SNX10: variants seen among roughly 807,000 people sequenced by gnomAD.
SNX10 encodes sorting nexin 10.
In SNX10, 25 loss-of-function variants were observed where a neutral mutation model predicts 28.5. That is an observed-to-expected ratio of 0.88 (90% CI 0.64 to 1.22). The LOEUF (loss-of-function observed/expected upper bound fraction) is 1.22, where lower values mean the gene tolerates loss of function less well. SNX10 is among the 50% of genes most tolerant of loss of function. The pLI, the probability that SNX10 is intolerant of heterozygous loss-of-function variation, is 0.00. For synonymous variants in SNX10, 62 were observed against 81.4 expected (o/e 0.76, Z 1.28); for missense variants, 223 against 242.6 (o/e 0.92, Z 0.54).
intron 2 of SNX10, among the ~76,000 whole-genome samples, chr7:26,349,174 T>C (rs1426366269): frequency 6.6e-6 from 1 of 152,162 alleles, no homozygotes; most frequent in Non-Finnish European, 1.5e-5. Flanking sequence ...AAGGGTACAG[T>C]GAGTATGGAA....
intron 3 of SNX10, among the ~76,000 whole-genome samples, chr7:26,361,755 A>G (rs1013091542): frequency 6.6e-6 from 1 of 152,258 alleles, no homozygotes; most frequent in Non-Finnish European, 1.5e-5. Flanking sequence ...AAAAGCAGCC[A>G]CAGACAGTGC....
intron 1 of SNX10, among the ~76,000 whole-genome samples, chr7:26,294,620 A>G (rs907989753): frequency 6.6e-6 from 1 of 152,226 alleles, no homozygotes; most frequent in African/African-American, 2.4e-5. Context: ...CTCTGGGGAA[A>G]CTAAGCCATC....
At chr7:26,352,297 G>A (rs533664569) in intron 2 of SNX10, among the ~76,000 whole-genome samples, 60 of 152,278 alleles carry the variant, frequency 3.9e-4, no homozygotes, top group African/African-American at 1.4e-3. Context: ...GTGTGTTGGT[G>A]CATGCATGTA....
intron 1 of SNX10, among the ~76,000 whole-genome samples, chr7:26,331,518 C>G (rs140280953): frequency 6.6e-6 from 1 of 151,060 alleles, no homozygotes; most frequent in Non-Finnish European, 1.5e-5. Flanking sequence ...CCTGGGAGGT[C>G]GAGGCTGCTG....
intron 1 of SNX10, among the ~76,000 whole-genome samples, chr7:26,336,441 C>T (rs761987062): frequency 5.3e-5 from 8 of 151,720 alleles, no homozygotes; most frequent in African/African-American, 7.3e-5. Flanking sequence ...TAGTGGCTCA[C>T]GCCTGTAATC....
intron 1 of SNX10, among the ~76,000 whole-genome samples, chr7:26,325,304 AAAATAT>A (rs1238471729): frequency 1.0e-3 from 4 of 3,922 alleles, no homozygotes; most frequent in Non-Finnish European, 2.8e-3. Context: ...TGAAGTTTGC[AAAATAT>A]ATATATATAT....
chr7:26,366,152 C>A (rs1041556588), intron 5 of SNX10, among the ~76,000 whole-genome samples: 2 of 152,146 alleles, frequency 1.3e-5, no homozygotes, highest in Non-Finnish European at 2.9e-5. Flanking sequence ...TGAACTGTTT[C>A]TTTTTCTAGT....
intron 2 of SNX10, among the ~76,000 whole-genome samples, chr7:26,349,384 T>A (rs1788509315): frequency 1.3e-5 from 2 of 151,134 alleles, no homozygotes; most frequent in South Asian, 4.2e-4. Context: ...AGGAATCAAA[T>A]GTAGTCTCTC....
At chr7:26,350,100 C>T (rs370758017) in intron 2 of SNX10, among the ~76,000 whole-genome samples, 23 of 152,326 alleles carry the variant, frequency 1.5e-4, no homozygotes, top group East Asian at 7.7e-4. Context: ...CCCTGCTCTC[C>T]TGGATCATGA....
intron 1 of SNX10, among the ~76,000 whole-genome samples, chr7:26,296,527 A>G (rs752428722): frequency 3.3e-5 from 5 of 152,190 alleles, no homozygotes; most frequent in Non-Finnish European, 7.3e-5. Context: ...AAAAAGAAAT[A>G]CTAATAATAA....
intron 1 of SNX10, among the ~76,000 whole-genome samples, chr7:26,322,446 C>G (rs1313518921): frequency 6.6e-6 from 1 of 152,140 alleles, no homozygotes; most frequent in African/African-American, 2.4e-5. Flanking sequence ...TTGAGAGATT[C>G]TAGCTACATA....
At chr7:26,372,396 A>G in intron 6 of SNX10, 95 bp from the exon 7 acceptor site, 1 of 789,678 alleles carries the variant, frequency 1.3e-6, no homozygotes, top group Non-Finnish European at 2.2e-6. Flanking sequence ...TTGTGACTGG[A>G]GATAATTAAA....
chr7:26,338,672 G>A (rs1788045744), intron 1 of SNX10, among the ~76,000 whole-genome samples: 1 of 152,172 alleles, frequency 6.6e-6, no homozygotes, highest in Non-Finnish European at 1.5e-5. Flanking sequence ...CCAAAGTGCT[G>A]GGATTACAGG....
chr7:26,326,689 G>A (rs1787515835), intron 1 of SNX10, among the ~76,000 whole-genome samples: 2 of 152,056 alleles, frequency 1.3e-5, no homozygotes, highest in African/African-American at 4.8e-5. Context: ...AATAATATTA[G>A]TACCTATCAT....
chr7:26,322,088 G>A (rs79338699), intron 1 of SNX10, among the ~76,000 whole-genome samples: 1,659 of 152,208 alleles, frequency 0.011, 23 homozygotes, highest in African/African-American at 0.037. Context: ...CAGTGAGCCA[G>A]ACAAGCCCTT....
At chr7:26,361,445 G>A (rs1398967732) in intron 3 of SNX10, among the ~76,000 whole-genome samples, 1 of 152,118 alleles carries the variant, frequency 6.6e-6, no homozygotes, top group East Asian at 1.9e-4. Flanking sequence ...AGAGTTCTTT[G>A]GAAAAGAGAT....
At chr7:26,311,400 C>A (rs758411539) in intron 1 of SNX10, among the ~76,000 whole-genome samples, 1 of 152,202 alleles carries the variant, frequency 6.6e-6, no homozygotes, top group African/African-American at 2.4e-5. Flanking sequence ...ATTCTCCCGC[C>A]TCGGCCTCCA....
chr7:26,299,652 G>A (rs1292821212), intron 1 of SNX10, among the ~76,000 whole-genome samples: 5 of 150,480 alleles, frequency 3.3e-5, no homozygotes, highest in East Asian at 2.0e-4. Flanking sequence ...TCTCGAACTC[G>A]TGACCTCGTG....
Position 26,365,132 on chromosome 7 carries a change from G to T in SNX10, c.298G>T (p.Asp100Tyr). ...GGATCAGCGTCGCCAGGGTCTGGAA[G>T]ATTTCCTCAGAAAGTGAGTGTCCAG... ...HVDQRRQGLE[D>Y]FLRKVLQNAL... is the part of the protein sequence containing the mutation. The change falls in exon 5 of 7, where the codon GAT (aspartate) becomes TAT (tyrosine). Residue 100 changes from aspartate (D) to tyrosine (Y), a missense_variant. By Grantham distance (160) the Asp-to-Tyr change is radical. Transcript: ENST00000338523. 6.2e-7 allele frequency: 1 copy of T among 1,608,432 alleles called. No homozygotes were observed. Among genetic ancestry groups the T allele is most frequent in the East Asian group, 2.2e-5 (1 of 44,854 alleles).
Sources: allele counts gnomAD v4.1 joint callset (sites outside exome capture counted in the v4.1 genomes callset), GRCh38; gene constraint gnomAD v4.1.1; transcripts MANE v1.5; gene names NCBI Gene and HGNC (gene_info 2026-07-23, HGNC 2026-07-21).